Variants in CRB2 observed in about 807,000 individuals in gnomAD.
CRB2 encodes crumbs cell polarity complex component 2.
A neutral mutation model predicts 110.9 loss-of-function variants in CRB2; 85 were observed. That is an observed-to-expected ratio of 0.77 (90% CI 0.64 to 0.92). CRB2 has a LOEUF of 0.92. CRB2 is among the 40% of genes least tolerant of loss of function. CRB2 has a pLI of 0.00. For missense variants in CRB2, 1,843 were observed against 1,851.3 expected (o/e 1.00, Z 0.08); for synonymous variants, 907 against 831.0 (o/e 1.09, Z -1.57).
At chr9:123,376,632 G>C (rs1020836585) in intron 12 of CRB2, among the ~76,000 whole-genome samples, 6 of 152,172 alleles carry the variant, frequency 3.9e-5, no homozygotes, top group Non-Finnish European at 7.4e-5. Flanking sequence ...TGTTGTATAG[G>C]CCTCCCCGAG....
At chr9:123,355,798 C>T (rs1054713959), upstream of CRB2, among the ~76,000 whole-genome samples, 11 of 144,176 alleles carry the variant, frequency 7.6e-5, no homozygotes, top group African/African-American at 2.4e-4. Flanking sequence ...CGACTGGACT[C>T]GAAGGCCTGG....
rs995889846 is a variant in CRB2, at chr9:123,356,458, G to A, written c.94+104G>A. 6.8e-6 allele frequency: 6 copies of A among 885,038 alleles called. No individual in the cohort carries two copies. The Admixed American group carries it at 8.8e-5, about 13-fold the overall frequency. The allele number at this position is 885,038 out of a possible 1,614,324, so 54.8% of individuals were successfully genotyped here. ...GGGTGGTGGGTGGGCTGGTCCGCGT[G>A]GGTGCAGGCCTGAGCTGTGGGGTGC... On this transcript the variant is annotated intron_variant, in intron 1 of 12. Coordinates refer to ENST00000373631, the MANE Select transcript of CRB2 (RefSeq NM_173689.7).
chr9:123,371,891 C>CTT (rs1038170006), intron 8 of CRB2, among the ~76,000 whole-genome samples: 1 of 152,160 alleles, frequency 6.6e-6, no homozygotes, highest in African/African-American at 2.4e-5. Context: ...GCGGGACACG[C>CTT]TTTTGATCAT....
At position 123,373,776 on chromosome 9, in the gene CRB2, G is replaced by A; in HGVS notation, c.3245G>A (p.Cys1082Tyr). Reference protein sequence around the residue: ...RDLFDAFACACGPGWEGPRCE... With the variant: ...RDLFDAFACAYGPGWEGPRCE... ...CTCTTCGACGCCTTTGCCTGCGCCT[G>A]CGGCCCGGGGTGGGAAGGCCCGCGC... Residue 1082 changes from cysteine to tyrosine, a missense_variant, in exon 10 of 13, where the codon TGC (cysteine) becomes TAC (tyrosine). By Grantham distance (194) the Cys-to-Tyr change is radical. Transcript: ENST00000373631. The A allele has an allele frequency of 6.3e-7, 1 of 1,590,872 alleles. No individual in the cohort carries two copies. Among genetic ancestry groups the A allele is most frequent in the East Asian group, 2.3e-5 (1 of 44,038 alleles).
chr9:123,374,159 G>C, intron 10 of CRB2: 1 of 674,002 alleles, frequency 1.5e-6, no homozygotes, highest in Admixed American at 2.3e-5. Flanking sequence ...GGAGCCGCCT[G>C]CCGCTTACAC....
chr9:123,359,436 GTTTTGTTTTTTTTT>G (rs2041837389), intron 1 of CRB2, among the ~76,000 whole-genome samples: 2 of 62,432 alleles, frequency 3.2e-5, no homozygotes, highest in African/African-American at 6.5e-5. Context: ...TTTCGTTTTT[GTTTTGTTTTTTTTT>G]TTTTTTTTTT....
rs773873573 is a variant in CRB2 at position 123,370,644 on chromosome 9, C to A, written c.1591C>A (p.Leu531Met). ...QVEVVLHLAT[L>M]ELRLWHEGCP... ...GGAGGTTGTGCTCCATCTAGCGACC[C>A]TGGAGCTACGGCTCTGGCATGAGGG... The change falls in exon 7 of 13, where the codon CTG becomes ATG. Residue 531 changes from leucine to methionine, a missense_variant. Transcript: ENST00000373631. The A allele has an allele frequency of 6.2e-7, 1 of 1,609,282 alleles. No individual in the cohort carries two copies.
intron 6 of CRB2, among the ~76,000 whole-genome samples, chr9:123,369,675 G>A (rs1198391213): frequency 6.6e-6 from 1 of 152,182 alleles, no homozygotes; most frequent in African/African-American, 2.4e-5. Context: ...CCATGAGGGT[G>A]TCTTAAATGT....
intron 2 of CRB2, among the ~76,000 whole-genome samples, chr9:123,363,612 T>C (rs2041895129): frequency 6.6e-6 from 1 of 152,002 alleles, no homozygotes; most frequent in Non-Finnish European, 1.5e-5. Context: ...ATCAGCTCAT[T>C]TGAACACTCC....
At chr9:123,369,268 AC>A (rs1403303208) in intron 6 of CRB2, among the ~76,000 whole-genome samples, 1 of 152,164 alleles carries the variant, frequency 6.6e-6, no homozygotes, top group African/African-American at 2.4e-5. Flanking sequence ...GGGTACTTGC[AC>A]TACCCCACTA....
intron 9 of CRB2, among the ~76,000 whole-genome samples, chr9:123,372,555 G>A (rs1040888075): frequency 5.9e-5 from 9 of 152,256 alleles, no homozygotes; most frequent in Non-Finnish European, 7.3e-5. Context: ...GAGCCACAGG[G>A]GGAAGGATAT....
chr9:123,374,088 A>G (rs1226310521), intron 10 of CRB2, 168 bp downstream of exon 10: 1 of 961,984 alleles, frequency 1.0e-6, no homozygotes. Flanking sequence ...GATAAAATAC[A>G]GATCAAAACA....
upstream of CRB2, among the ~76,000 whole-genome samples, chr9:123,354,128 C>A (rs1302352661): frequency 6.6e-6 from 1 of 152,202 alleles, no homozygotes; most frequent in Non-Finnish European, 1.5e-5. Context: ...TGCTGTCCAG[C>A]GACTCCCTGG....
At position 123,375,315 on chromosome 9, in the gene CRB2, G is replaced by A. The variant is rs1205904740; in HGVS notation, c.3605G>A (p.Arg1202Lys). The A allele has an allele frequency of 1.2e-6, 2 of 1,607,294 alleles. No individual in the cohort carries two copies. The highest frequency in any genetic ancestry group is 1.1e-5 in the South Asian group (1 of 89,750). Residue 1202 changes from arginine (R) to lysine (K), a missense_variant, in exon 12 of 13, where the codon AGA becomes AAA. Physicochemically the swap from Arg to Lys is conservative, Grantham distance 26 (BLOSUM62 2). Coordinates refer to ENST00000373631, the MANE Select transcript of CRB2 (RefSeq NM_173689.7). ...GTGTCTGAATGTATCTGCAATGCCA[G>A]ATTCTCCGGCCAGTTCTGTGAAGTG... ...GGVSECICNA[R>K]FSGQFCEVAK...
chr9:123,369,721 C>T (rs960757433), intron 6 of CRB2, among the ~76,000 whole-genome samples: 1 of 152,110 alleles, frequency 6.6e-6, no homozygotes, highest in Middle Eastern at 3.2e-3. Flanking sequence ...GGCAGAGGAA[C>T]CCAGCCTGGC....
Position 123,367,238 on chromosome 9 carries a change from G to A in CRB2, c.821G>A (p.Gly274Asp). The change falls in exon 5 of 13, where the codon GGC (glycine) becomes GAC (aspartate). Residue 274 changes from glycine (G) to aspartate (D), a missense_variant. By Grantham distance (94) the Gly-to-Asp change is moderately conservative. Transcript: ENST00000373631. Reference sequence around the variant, plus strand: ...GCATCGAGCCCCTGCCAGCATGGGGGCCGATGCCTGCAGCGCTCTGACCCG... The same window carrying A: ...GCATCGAGCCCCTGCCAGCATGGGGACCGATGCCTGCAGCGCTCTGACCCG... Reference protein sequence around the residue: ...ECASSPCQHGGRCLQRSDPAL... With the variant: ...ECASSPCQHGDRCLQRSDPAL... The A allele has an allele frequency of 2.5e-6, 4 of 1,598,812 alleles. No homozygotes were observed. The highest frequency in any genetic ancestry group is 2.2e-5 in the East Asian group (1 of 44,798).
chr9:123,369,253 G>A (rs1294180569), intron 6 of CRB2, among the ~76,000 whole-genome samples: 1 of 152,244 alleles, frequency 6.6e-6, no homozygotes, highest in African/African-American at 2.4e-5. Flanking sequence ...CACTCAGAGT[G>A]CCTTGGGTAC....
chr9:123,359,452 T>TTTTTG (rs2041841742), intron 1 of CRB2, among the ~76,000 whole-genome samples: 2 of 132,566 alleles, frequency 1.5e-5, no homozygotes, highest in Non-Finnish European at 3.1e-5. Context: ...TTTTTTTTTT[T>TTTTTG]TTTTTTTTTT....
At chr9:123,369,249 G>C (rs1441652074) in intron 6 of CRB2, among the ~76,000 whole-genome samples, 1 of 152,214 alleles carries the variant, frequency 6.6e-6, no homozygotes, top group African/African-American at 2.4e-5. Context: ...AGGCCACTCA[G>C]AGTGCCTTGG....
Sources: gnomAD v4.1 joint callset for allele counts (sites outside exome capture counted in the v4.1 genomes callset) on GRCh38, gnomAD v4.1.1 for gene constraint, MANE v1.5 for transcripts, NCBI Gene and HGNC (gene_info 2026-07-23, HGNC 2026-07-21) for gene names.